NAV3: variants seen among roughly 807,000 people sequenced by gnomAD.
The protein encoded by NAV3 is pore membrane and/or filament interacting like protein 1.
Under a neutral mutation model 244.7 loss-of-function variants are expected in NAV3, and 87 were observed. The observed-to-expected ratio is 0.36, with a 90% confidence interval of 0.30 to 0.42. The LOEUF (loss-of-function observed/expected upper bound fraction) is 0.42. NAV3 is among the 20% of genes least tolerant of loss of function. The probability of loss-of-function intolerance (pLI) is 1.00; values close to 1 mark genes in which losing one functional copy is unlikely to be tolerated. For missense variants in NAV3, 2,663 were observed against 2,893.3 expected (o/e 0.92, Z 1.83); for synonymous variants, 1,126 against 1,042.2 (o/e 1.08, Z -1.55).
intron 1 of NAV3, among the ~76,000 whole-genome samples, chr12:77,841,393 G>T (rs1440359278): frequency 6.6e-6 from 1 of 152,148 alleles, no homozygotes; most frequent in Non-Finnish European, 1.5e-5. Flanking sequence ...TTTTCATAAT[G>T]AAATGTGACC....
chr12:77,900,771 T>C (rs957778609), intron 1 of NAV3, among the ~76,000 whole-genome samples: 3 of 152,214 alleles, frequency 2.0e-5, no homozygotes, highest in Admixed American at 6.5e-5. Flanking sequence ...AGTTCTCTTT[T>C]AAGTTCTTTG....
chr12:78,019,453 T>C (rs1377521593), intron 8 of NAV3, among the ~76,000 whole-genome samples: 1 of 152,148 alleles, frequency 6.6e-6, no homozygotes, highest in African/African-American at 2.4e-5. Flanking sequence ...TAAACATTAA[T>C]CAATTAATTA....
intron 2 of NAV3, among the ~76,000 whole-genome samples, chr12:77,776,569 T>C (rs1870367844): frequency 1.3e-5 from 2 of 152,210 alleles, no homozygotes; most frequent in Non-Finnish European, 2.9e-5. Flanking sequence ...AAGGACGATC[T>C]TATGAAGATC....
intron 12 of NAV3, among the ~76,000 whole-genome samples, chr12:78,060,836 G>A (rs1284946088): frequency 2.6e-5 from 4 of 152,116 alleles, no homozygotes; most frequent in African/African-American, 7.2e-5. Context: ...AGTAGAAAAC[G>A]TCATGGGAGG....
chr12:77,930,858 T>C (rs1187976821), intron 1 of NAV3, among the ~76,000 whole-genome samples: 2 of 152,228 alleles, frequency 1.3e-5, no homozygotes, highest in Non-Finnish European at 2.9e-5. Context: ...CAGAATTTCA[T>C]AGGAATTTCT....
In NAV3 at chr12:78,034,213, C is replaced by T. The variant is rs577682559; in HGVS notation, c.2023+12351C>T. ...TGTTTAGCAACATCACTGGCCACTT[C>T]CCCTTAGATGTCACCACCACACCCA... is the stretch of plus-strand genomic sequence containing the variant. On this transcript the variant is annotated intron_variant, in intron 9 of 39. Transcript: ENST00000397909. Among the ~76,000 whole-genome samples, 3 of 152,298 alleles carry T rather than the reference C, an allele frequency of 2.0e-5. No homozygotes were observed. The South Asian group carries it at 6.2e-4, about 32-fold the overall frequency.
intron 5 of NAV3, among the ~76,000 whole-genome samples, chr12:77,974,054 G>A (rs969512035): frequency 2.0e-5 from 3 of 151,826 alleles, no homozygotes; most frequent in African/African-American, 4.8e-5. Context: ...GTGTGTGCAC[G>A]TGCACACACT....
intron 2 of NAV3, among the ~76,000 whole-genome samples, chr12:77,672,694 T>C (rs530708702): frequency 5.3e-5 from 8 of 150,860 alleles, no homozygotes; most frequent in Non-Finnish European, 1.0e-4. Context: ...AGGGTGGGAG[T>C]GGGGTGAGGG....
intron 1 of NAV3, among the ~76,000 whole-genome samples, chr12:77,860,331 T>C (rs924951850): frequency 6.6e-6 from 1 of 150,446 alleles, no homozygotes; most frequent in Non-Finnish European, 1.5e-5. Flanking sequence ...TATGTTTGTA[T>C]TTTATTTATA....
chr12:78,077,202 T>A (rs909406185), intron 12 of NAV3, among the ~76,000 whole-genome samples: 1 of 152,178 alleles, frequency 6.6e-6, no homozygotes, highest in Non-Finnish European at 1.5e-5. Context: ...ATAATGAAAA[T>A]TTTTAGAAAG....
At chr12:77,644,798 G>A (rs75991803) in intron 2 of NAV3, among the ~76,000 whole-genome samples, 1,755 of 151,758 alleles carry the variant, frequency 0.012, 30 homozygotes, top group African/African-American at 0.041. Flanking sequence ...CTGAGTATAC[G>A]GATTTATTTA....
chr12:78,140,152 C>T (rs563688847), intron 19 of NAV3, 130 bp from the exon 20 acceptor site: 60 of 730,802 alleles, frequency 8.2e-5, no homozygotes, highest in Non-Finnish European at 1.2e-4. Context: ...CAGGCTGGTT[C>T]TCAGAATCTT....
intron 22 of NAV3, among the ~76,000 whole-genome samples, chr12:78,155,193 G>T (rs975198070): frequency 6.6e-6 from 1 of 151,766 alleles, no homozygotes; most frequent in African/African-American, 2.4e-5. Flanking sequence ...CCACTGACAG[G>T]CCCTAGTGTG....
intron 2 of NAV3, among the ~76,000 whole-genome samples, chr12:77,607,654 T>C (rs1471236993): frequency 6.6e-6 from 1 of 152,074 alleles, no homozygotes; most frequent in East Asian, 1.9e-4. Flanking sequence ...GTAGAATGTC[T>C]AATTATCAAG....
At chr12:78,192,723 T>C (rs1351616238) in intron 34 of NAV3, among the ~76,000 whole-genome samples, 4 of 152,104 alleles carry the variant, frequency 2.6e-5, no homozygotes, top group African/African-American at 9.7e-5. Flanking sequence ...AAAGAAACTC[T>C]TGAACAAATC....
At chr12:78,052,998 C>G (rs140283761) in intron 11 of NAV3, among the ~76,000 whole-genome samples, 9 of 152,030 alleles carry the variant, frequency 5.9e-5, no homozygotes, top group African/African-American at 2.2e-4. Context: ...GCAGATGGAT[C>G]GCCTGAGGTC....
chr12:77,779,332 T>C (rs1464617313), intron 2 of NAV3, among the ~76,000 whole-genome samples: 2 of 152,174 alleles, frequency 1.3e-5, no homozygotes, highest in African/African-American at 4.8e-5. Context: ...TCCAGTAAAA[T>C]GGACTTATTC....
At chr12:78,190,417 A>G (rs1351716996) in intron 34 of NAV3, among the ~76,000 whole-genome samples, 198 bp downstream of exon 34, 1 of 152,026 alleles carries the variant, frequency 6.6e-6, no homozygotes. Flanking sequence ...AGTAACATTC[A>G]GTTATCAGGT....
intron 34 of NAV3, among the ~76,000 whole-genome samples, chr12:78,191,004 C>T (rs1026129629): frequency 1.1e-4 from 16 of 152,120 alleles, no homozygotes; most frequent in East Asian, 5.8e-4. Context: ...GAAAATGCAA[C>T]TATTATAAGC....
Sources: allele counts gnomAD v4.1 joint callset (sites outside exome capture counted in the v4.1 genomes callset), GRCh38; gene constraint gnomAD v4.1.1; transcripts MANE v1.5; gene names NCBI Gene and HGNC (gene_info 2026-07-23, HGNC 2026-07-21).